Variants in TOX observed in about 807,000 individuals in gnomAD.
The protein encoded by TOX is thymocyte selection associated high mobility group box.
A neutral mutation model predicts 53.7 loss-of-function variants in TOX; 11 were observed. The ratio of observed to expected loss-of-function variants is 0.20; its 90% CI spans 0.13 to 0.34. The LOEUF is 0.34. Ranked by LOEUF, TOX falls within the 10% of genes least tolerant of loss-of-function variation. The probability of loss-of-function intolerance (pLI) is 1.00; values close to 1 mark genes in which losing one functional copy is unlikely to be tolerated. For synonymous variants in TOX, 225 were observed against 245.3 expected (o/e 0.92, Z 0.77); for missense variants, 570 against 664.6 (o/e 0.86, Z 1.56).
chr8:58,850,317 G>A (rs139203122), intron 4 of TOX, among the ~76,000 whole-genome samples: 5 of 152,342 alleles, frequency 3.3e-5, no homozygotes, highest in South Asian at 2.1e-4. Context: ...ACCTAGGGAA[G>A]TACCCAGGTT....
intron 1 of TOX, among the ~76,000 whole-genome samples, chr8:59,018,884 A>G (rs1814066205): frequency 6.6e-6 from 1 of 152,188 alleles, no homozygotes; most frequent in African/African-American, 2.4e-5. Flanking sequence ...TGTAATTTTT[A>G]AAGATATGGA....
At chr8:58,964,170 C>T (rs938147395) in intron 1 of TOX, among the ~76,000 whole-genome samples, 3 of 152,118 alleles carry the variant, frequency 2.0e-5, no homozygotes, top group Non-Finnish European at 2.9e-5. Context: ...AGTTCTTCCT[C>T]AGGATTTTTA....
chr8:59,028,701 T>C (rs1054318584), intron 1 of TOX, among the ~76,000 whole-genome samples: 2 of 152,114 alleles, frequency 1.3e-5, no homozygotes, highest in African/African-American at 2.4e-5. Context: ...AGCAGAAAAA[T>C]AGACTTTTTG....
At chr8:59,054,408 T>C (rs956606556) in intron 1 of TOX, among the ~76,000 whole-genome samples, 1 of 152,222 alleles carries the variant, frequency 6.6e-6, no homozygotes, top group Non-Finnish European at 1.5e-5. Flanking sequence ...GATCAGGAAC[T>C]GTTGCCTTTT....
intron 5 of TOX, among the ~76,000 whole-genome samples, chr8:58,837,711 G>T (rs1810570333): frequency 6.6e-6 from 1 of 152,126 alleles, no homozygotes; most frequent in South Asian, 2.1e-4. Context: ...ATGACAAAAT[G>T]GTAAATAGTA....
intron 1 of TOX, among the ~76,000 whole-genome samples, chr8:59,021,494 A>ATATT (rs1554539861): frequency 8.3e-4 from 103 of 124,714 alleles, no homozygotes; most frequent in East Asian, 3.5e-3. Flanking sequence ...ATATATATAT[A>ATATT]TATATGCACA....
At chr8:58,979,921 T>C (rs1813170039) in intron 1 of TOX, among the ~76,000 whole-genome samples, 1 of 152,330 alleles carries the variant, frequency 6.6e-6, no homozygotes, top group Non-Finnish European at 1.5e-5. Flanking sequence ...GCTCAGACTA[T>C]AGTAAGCACT....
chr8:58,889,223 A>C (rs990180354), intron 3 of TOX, among the ~76,000 whole-genome samples: 4 of 151,014 alleles, frequency 2.6e-5, no homozygotes, highest in African/African-American at 4.8e-5. Context: ...AAAAAAAAAA[A>C]AAAAAAAAAC....
chr8:59,044,792 C>T (rs965404115), intron 1 of TOX, among the ~76,000 whole-genome samples: 1 of 152,168 alleles, frequency 6.6e-6, no homozygotes, highest in African/African-American at 2.4e-5. Flanking sequence ...AATGGCATCA[C>T]TCACTTAAAT....
intron 1 of TOX, among the ~76,000 whole-genome samples, chr8:59,011,111 C>T (rs1395887503): frequency 6.6e-6 from 1 of 152,174 alleles, no homozygotes; most frequent in Non-Finnish European, 1.5e-5. Flanking sequence ...TCATTTGGCT[C>T]ATGGAACATG....
chr8:59,046,220 C>T (rs1288178555), intron 1 of TOX, among the ~76,000 whole-genome samples: 1 of 152,256 alleles, frequency 6.6e-6, no homozygotes, highest in East Asian at 1.9e-4. Context: ...GGAGAGCCTA[C>T]CATGTGCCAG....
chr8:58,955,207 G>A (rs1444394920), intron 2 of TOX, among the ~76,000 whole-genome samples: 1 of 152,132 alleles, frequency 6.6e-6, no homozygotes, highest in African/African-American at 2.4e-5. Context: ...GAATTCCAGA[G>A]GGTGCTGGGG....
At chr8:58,843,864 T>G (rs1810682051) in intron 4 of TOX, among the ~76,000 whole-genome samples, 1 of 152,220 alleles carries the variant, frequency 6.6e-6, no homozygotes, top group Admixed American at 6.5e-5. Flanking sequence ...ATCATTGTTG[T>G]GTCCAAAGCC....
At chr8:59,030,344 T>C (rs145928385) in intron 1 of TOX, among the ~76,000 whole-genome samples, 2 of 152,346 alleles carry the variant, frequency 1.3e-5, no homozygotes, top group African/African-American at 4.8e-5. Flanking sequence ...GTAATGTTTG[T>C]TAATGTTACT....
At chr8:59,034,250 C>T (rs746177694) in intron 1 of TOX, among the ~76,000 whole-genome samples, 6 of 152,158 alleles carry the variant, frequency 3.9e-5, no homozygotes, top group African/African-American at 4.8e-5. Context: ...ATAAGTTAAC[C>T]GTTACCAGAT....
At chr8:59,003,078 C>T (rs10093846) in intron 1 of TOX, among the ~76,000 whole-genome samples, 12,263 of 152,192 alleles carry the variant, frequency 0.081, 616 homozygotes, top group Middle Eastern at 0.17. Flanking sequence ...GTTTCATCTT[C>T]TTCTAAAAGT....
chr8:59,036,489 AT>A (rs2129420390), intron 1 of TOX, among the ~76,000 whole-genome samples: 1 of 152,284 alleles, frequency 6.6e-6, no homozygotes, highest in African/African-American at 2.4e-5. Context: ...ATTTTTAACA[AT>A]TTCAGGACCT....
intron 2 of TOX, among the ~76,000 whole-genome samples, chr8:58,947,529 C>A (rs985324118): frequency 1.3e-5 from 2 of 151,852 alleles, no homozygotes; most frequent in African/African-American, 4.8e-5. Context: ...TTAATTCCTC[C>A]AGAATTCAAA....
chr8:59,053,852 C>T (rs1438727539), intron 1 of TOX, among the ~76,000 whole-genome samples: 1 of 152,094 alleles, frequency 6.6e-6, no homozygotes, highest in East Asian at 1.9e-4. Context: ...CAAGACCAAG[C>T]AATAATTTTG....
Sources: gnomAD v4.1 joint callset for allele counts (sites outside exome capture counted in the v4.1 genomes callset) on GRCh38, gnomAD v4.1.1 for gene constraint, MANE v1.5 for transcripts, NCBI Gene and HGNC (gene_info 2026-07-23, HGNC 2026-07-21) for gene names.